Variants in RPS6KC1 observed in about 807,000 individuals in gnomAD.
The protein encoded by RPS6KC1 is inactive ribosomal protein S6 kinase delta-1.
RPS6KC1 carries 54 observed loss-of-function variants against 103.8 expected under a neutral mutation model. That is an observed-to-expected ratio of 0.52 (90% CI 0.42 to 0.65). The LOEUF (loss-of-function observed/expected upper bound fraction) is 0.65, where lower values mean the gene tolerates loss of function less well. RPS6KC1 is among the 30% of genes least tolerant of loss of function. The probability of loss-of-function intolerance (pLI) is 0.00; values close to 1 mark genes in which losing one functional copy is unlikely to be tolerated. For synonymous variants in RPS6KC1, 439 were observed against 438.7 expected (o/e 1.00, Z -0.01); for missense variants, 1,151 against 1,253.8 (o/e 0.92, Z 1.24).
the RPS6KC1 span, among the ~76,000 whole-genome samples, chr1:213,765,018 T>C: frequency 1.3e-5 from 2 of 152,084 alleles, no homozygotes; most frequent in South Asian, 4.2e-4. Context: ...TCCAGCAAGT[T>C]TTCAGGCTTC....
the RPS6KC1 span, among the ~76,000 whole-genome samples, chr1:213,363,666 CTT>C: frequency 1.0e-5 from 1 of 100,218 alleles, no homozygotes; most frequent in South Asian, 3.0e-4. Flanking sequence ...TTCTTTCTTT[CTT>C]TCTTTCTTTC....
the RPS6KC1 span, among the ~76,000 whole-genome samples, chr1:213,711,575 TGGA>T: frequency 2.6e-4 from 40 of 152,192 alleles, no homozygotes. Flanking sequence ...TGTGATCCTT[TGGA>T]GGAGAAGAGG....
intron 6 of RPS6KC1, among the ~76,000 whole-genome samples, chr1:213,151,353 C>A (rs2088848932): frequency 7.4e-6 from 1 of 135,288 alleles, no homozygotes; most frequent in East Asian, 2.4e-4. Flanking sequence ...GGGCTAACCC[C>A]CCCACCTCCC....
chr1:213,617,766 T>C, the RPS6KC1 span, among the ~76,000 whole-genome samples: 1 of 152,162 alleles, frequency 6.6e-6, no homozygotes, highest in African/African-American at 2.4e-5. Flanking sequence ...TGCCGACCAG[T>C]TGGTTCATGA....
chr1:213,800,367 G>C, the RPS6KC1 span, among the ~76,000 whole-genome samples: 1 of 152,130 alleles, frequency 6.6e-6, no homozygotes, highest in Admixed American at 6.5e-5. Flanking sequence ...CTAAGACGAT[G>C]CTCCCTTAAT....
At chr1:213,719,586 G>T in the RPS6KC1 span, among the ~76,000 whole-genome samples, 219 of 152,086 alleles carry the variant, frequency 1.4e-3, no homozygotes, top group Non-Finnish European at 2.4e-3. Context: ...TGAACATGAA[G>T]AGGCAAAAAG....
the RPS6KC1 span, among the ~76,000 whole-genome samples, chr1:213,367,632 C>T: frequency 6.6e-6 from 1 of 152,180 alleles, no homozygotes; most frequent in Non-Finnish European, 1.5e-5. Flanking sequence ...AGCATTGTTT[C>T]CTTCATTGAG....
chr1:213,791,175 A>C, the RPS6KC1 span, among the ~76,000 whole-genome samples: 34,991 of 152,026 alleles, frequency 0.23, 6,557 homozygotes, highest in African/African-American at 0.5. Context: ...AAAAGAAAAA[A>C]AAAAGACTAA....
chr1:213,768,821 T>C, the RPS6KC1 span, among the ~76,000 whole-genome samples: 8 of 152,332 alleles, frequency 5.3e-5, no homozygotes, highest in Non-Finnish European at 1.0e-4. Context: ...TAAGTGTGAT[T>C]AAAACTTTAA....
At chr1:213,085,789 C>CT (rs1364948737) in intron 3 of RPS6KC1, among the ~76,000 whole-genome samples, 5 of 152,072 alleles carry the variant, frequency 3.3e-5, no homozygotes, top group Middle Eastern at 3.4e-3. Flanking sequence ...ACTCACATAT[C>CT]TTTTTTTTCT....
the RPS6KC1 span, among the ~76,000 whole-genome samples, chr1:213,763,061 G>A: frequency 1.3e-5 from 2 of 152,082 alleles, no homozygotes; most frequent in African/African-American, 4.8e-5. Context: ...ATTTCACCAT[G>A]TTGGCCAGGC....
At chr1:213,582,121 C>A in the RPS6KC1 span, among the ~76,000 whole-genome samples, 2 of 149,054 alleles carry the variant, frequency 1.3e-5, no homozygotes, top group Non-Finnish European at 1.5e-5. Flanking sequence ...TTTTGAACAT[C>A]CAATGACTGT....
Position 213,120,441 on chromosome 1 carries a change from A to C in RPS6KC1, c.472+3031A>C, listed in dbSNP as rs1051197083. Among the ~76,000 whole-genome samples, 7 of 152,308 alleles carry C rather than the reference A, an allele frequency of 4.6e-5. No individual in the cohort carries two copies. In the East Asian group the frequency reaches 1.2e-3, roughly 25 times the overall value. ...TTTAAATATCGTAAGATTGTTTGGC[A>C]TAGTGGGAAAGTGGAAGATTTACTT... On this transcript the variant is annotated intron_variant, in intron 5 of 14. Coordinates refer to ENST00000366960, the MANE Select transcript of RPS6KC1 (RefSeq NM_012424.6).
At chr1:213,218,754 AAAAC>A (rs1293300688) in intron 8 of RPS6KC1, among the ~76,000 whole-genome samples, 12 of 152,230 alleles carry the variant, frequency 7.9e-5, no homozygotes, top group African/African-American at 2.9e-4. Context: ...AAACCTGAGA[AAAAC>A]AAGCAACGGG....
the RPS6KC1 span, among the ~76,000 whole-genome samples, chr1:213,689,854 T>C: frequency 6.6e-6 from 1 of 152,202 alleles, no homozygotes; most frequent in African/African-American, 2.4e-5. Context: ...TTCTGAAGAA[T>C]GCATCTGGGG....
At chr1:213,753,295 T>C in the RPS6KC1 span, among the ~76,000 whole-genome samples, 1 of 152,230 alleles carries the variant, frequency 6.6e-6, no homozygotes, top group Non-Finnish European at 1.5e-5. Context: ...GCATGGACTA[T>C]TAGCTGTAGA....
At chr1:213,502,942 G>A in the RPS6KC1 span, among the ~76,000 whole-genome samples, 1 of 152,066 alleles carries the variant, frequency 6.6e-6, no homozygotes, top group Non-Finnish European at 1.5e-5. Context: ...AGCCAGGAAA[G>A]CATATGAAAT....
At chr1:213,197,117 A>C (rs1239760814) in intron 8 of RPS6KC1, among the ~76,000 whole-genome samples, 1 of 152,120 alleles carries the variant, frequency 6.6e-6, no homozygotes, top group African/African-American at 2.4e-5. Flanking sequence ...GATTACAGGC[A>C]TGAGCCACCG....
At chr1:213,663,710 T>C in the RPS6KC1 span, among the ~76,000 whole-genome samples, 1 of 152,216 alleles carries the variant, frequency 6.6e-6, no homozygotes, top group South Asian at 2.1e-4. Flanking sequence ...AGCATGGAAA[T>C]ACTCACAGGG....
Sources: allele counts gnomAD v4.1 joint callset (sites outside exome capture counted in the v4.1 genomes callset), GRCh38; gene constraint gnomAD v4.1.1; transcripts MANE v1.5; gene names NCBI Gene and HGNC (gene_info 2026-07-23, HGNC 2026-07-21).